Variants in WDPCP observed in about 807,000 individuals in gnomAD.
The protein encoded by WDPCP is WD repeat-containing and planar cell polarity effector protein fritz homolog.
A neutral mutation model predicts 93.1 loss-of-function variants in WDPCP; 71 were observed. The observed-to-expected ratio is 0.76, with a 90% CI of 0.63 to 0.93. WDPCP has a LOEUF of 0.93. Among genes scored for constraint, WDPCP ranks in the 40% least tolerant of loss-of-function variants. The pLI, the probability that WDPCP is intolerant of heterozygous loss-of-function variation, is 0.00. For missense variants in WDPCP, 844 were observed against 887.4 expected (o/e 0.95, Z 0.62); for synonymous variants, 315 against 315.0 (o/e 1.00, Z 0.00).
intron 2 of WDPCP, among the ~76,000 whole-genome samples, chr2:63,731,045 C>T (rs111444093): frequency 2.6e-5 from 4 of 151,878 alleles, no homozygotes; most frequent in Admixed American, 6.5e-5. Context: ...CCGAGGCGGG[C>T]GGATCACGAG....
intron 16 of WDPCP, chr2:63,153,263 C>T: frequency 3.5e-6 from 2 of 568,170 alleles, no homozygotes; most frequent in South Asian, 4.7e-5. Flanking sequence ...GAATCAGAAT[C>T]AACTTTTTAA....
chr2:63,301,705 C>T (rs1320269353), intron 13 of WDPCP, among the ~76,000 whole-genome samples: 1 of 152,126 alleles, frequency 6.6e-6, no homozygotes, highest in Non-Finnish European at 1.5e-5. Context: ...GACCCAGGAA[C>T]TATAGAGGGA....
intron 9 of WDPCP, among the ~76,000 whole-genome samples, chr2:63,418,315 A>G (rs1353494811): frequency 6.6e-6 from 1 of 152,188 alleles, no homozygotes; most frequent in Non-Finnish European, 1.5e-5. Flanking sequence ...AAAAAGAACG[A>G]AATATATGGT....
At position 63,672,248 on chromosome 2, in the gene WDPCP, G is replaced by A. The variant is rs78578921; in HGVS notation, n.309-21410C>T. 6.2e-3 allele frequency among the ~76,000 whole-genome samples: 949 copies of A among 152,290 alleles called. 15 individuals are homozygous for A. The highest frequency in any genetic ancestry group is 0.022 in the African/African-American group (903 of 41,548). ...CTGCAGATTCTAAAATTTGTCATTA[G>A]ATCTGTCAGAAAGCTGAATACTTGT... On this transcript the variant is annotated intron_variant and non_coding_transcript_variant, in intron 2 of 4. Transcript: ENST00000467687.
chr2:63,237,481 T>G (rs1679500225), intron 14 of WDPCP, among the ~76,000 whole-genome samples: 2 of 152,100 alleles, frequency 1.3e-5, no homozygotes, highest in South Asian at 4.1e-4. Context: ...ACTACCGTGT[T>G]TATACCCAAA....
chr2:63,729,423 G>A (rs555708591), intron 2 of WDPCP, among the ~76,000 whole-genome samples: 1 of 152,120 alleles, frequency 6.6e-6, no homozygotes, highest in Admixed American at 6.6e-5. Flanking sequence ...CAGAATAGGT[G>A]GTGGTGGGGG....
chr2:63,146,139 T>A (rs1223950233), intron 17 of WDPCP, among the ~76,000 whole-genome samples: 1 of 152,168 alleles, frequency 6.6e-6, no homozygotes, highest in East Asian at 1.9e-4. Context: ...TATAGGACGA[T>A]GTTGTCTGCA....
intron 17 of WDPCP, among the ~76,000 whole-genome samples, chr2:63,131,912 T>C (rs1670320319): frequency 6.7e-6 from 1 of 149,462 alleles, no homozygotes; most frequent in Non-Finnish European, 1.5e-5. Flanking sequence ...CTCAGCTCAC[T>C]GCAACCTCCA....
intron 6 of WDPCP, among the ~76,000 whole-genome samples, chr2:63,473,335 C>A (rs111360505): frequency 5.3e-5 from 8 of 152,188 alleles, no homozygotes; most frequent in African/African-American, 1.9e-4. Flanking sequence ...CAATTAATCA[C>A]CTTATTTTCA....
At chr2:63,647,256 G>A (rs934060962) in intron 3 of WDPCP, among the ~76,000 whole-genome samples, 6 of 152,084 alleles carry the variant, frequency 3.9e-5, no homozygotes, top group African/African-American at 1.4e-4. Context: ...TCTGGCCTCA[G>A]CCTCCTGAGT....
intron 1 of WDPCP, among the ~76,000 whole-genome samples, chr2:63,509,888 T>C (rs1047493793): frequency 5.3e-5 from 8 of 152,120 alleles, no homozygotes; most frequent in African/African-American, 1.4e-4. Context: ...CAGGAAGAAG[T>C]TGAATCCCTG....
rs1188000133 is a variant in WDPCP at position 63,484,964 on chromosome 2, T to A, written c.277A>T (p.Lys93Ter). The A allele has an allele frequency of 6.2e-7, 1 of 1,612,538 alleles. No individual in the cohort carries two copies. Among genetic ancestry groups the A allele is most frequent in the African/African-American group, 1.3e-5 (1 of 74,850 alleles). ...AESRDYPWTL[K>*]NRRPEKLRDS... ...CGGAGTTTTTCTGGGCGTCTGTTTT[T>A]GAGCGTCCAAGGATAATCTCGTGCT... Residue 93 changes from lysine (K) to a stop codon, truncating the protein, a stop_gained, in exon 5 of 18, where the codon AAA becomes TAA. Coordinates refer to ENST00000272321, the MANE Select transcript of WDPCP (RefSeq NM_015910.7). LOFTEE classifies it high-confidence loss of function.
At chr2:63,415,198 CA>C (rs1695326812) in intron 9 of WDPCP, among the ~76,000 whole-genome samples, 1 of 152,018 alleles carries the variant, frequency 6.6e-6, no homozygotes, top group Non-Finnish European at 1.5e-5. Context: ...CTCGTCTCTA[CA>C]AAAAAATTAA....
chr2:63,594,897 G>T, intron 3 of WDPCP: 1 of 282,098 alleles, frequency 3.5e-6, no homozygotes. Context: ...GAGTTACTCA[G>T]TAAGCACTCC....
intron 1 of WDPCP, among the ~76,000 whole-genome samples, chr2:63,818,291 A>G (rs1670969068): frequency 6.6e-6 from 1 of 152,206 alleles, no homozygotes; most frequent in African/African-American, 2.4e-5. Flanking sequence ...CTGGTGTAGG[A>G]GTAACTGAAC....
chr2:63,179,199 CG>C (rs142127782), intron 14 of WDPCP, among the ~76,000 whole-genome samples: 2 of 110,986 alleles, frequency 1.8e-5, no homozygotes, highest in Admixed American at 9.3e-5. Flanking sequence ...GACCCTGTCT[CG>C]GGGGGAAAAA....
intron 2 of WDPCP, among the ~76,000 whole-genome samples, chr2:63,808,848 G>C (rs1012381983): frequency 1.3e-5 from 2 of 151,638 alleles, no homozygotes; most frequent in African/African-American, 4.8e-5. Context: ...GCCCAGTCTG[G>C]AAAGTGAGGA....
rs373177115 is a variant in WDPCP at position 63,575,399 on chromosome 2, GTATA to G, written c.75+12794_75+12797del. 1.9e-4 allele frequency among the ~76,000 whole-genome samples: 4 copies of G among 21,374 alleles called. 1 individual carries two copies. Among genetic ancestry groups the G allele is most frequent in the Non-Finnish European group, 1.3e-4 (1 of 7,704 alleles). The allele number at this position is 21,374 out of a possible 152,430, so 14.0% of individuals were successfully genotyped here. On this transcript the variant is annotated intron_variant, in intron 1 of 17. Transcript: ENST00000272321. ...ATACAGTATATACACGGTATATACAGTATATATACAGTATATACACTGTATACAG... is the reference window on the plus strand; with the variant it reads ...ATACAGTATATACACGGTATATACAGTATACAGTATATACACTGTATACAG...
At chr2:63,326,137 A>G (rs544876284) in intron 12 of WDPCP, among the ~76,000 whole-genome samples, 2 of 152,322 alleles carry the variant, frequency 1.3e-5, no homozygotes, top group South Asian at 4.1e-4. Flanking sequence ...CTATCGGACA[A>G]CCGCCTACTT....
Sources: allele counts gnomAD v4.1 joint callset (sites outside exome capture counted in the v4.1 genomes callset), GRCh38; gene constraint gnomAD v4.1.1; transcripts MANE v1.5; gene names NCBI Gene and HGNC (gene_info 2026-07-23, HGNC 2026-07-21).